The following IFT43 variants were observed in gnomAD, a reference collection of about 807,000 sequenced individuals.
IFT43 encodes intraflagellar transport 43, also known as intraflagellar transport protein 43 homolog.
Under a neutral mutation model 32.3 loss-of-function variants are expected in IFT43, and 33 were observed. The ratio of observed to expected loss-of-function variants is 1.02; its 90% CI spans 0.77 to 1.37. IFT43 has a LOEUF of 1.37. Among genes scored for constraint, IFT43 ranks in the 40% most tolerant of loss-of-function variants. The pLI is 0.00. For missense variants in IFT43, 274 were observed against 265.9 expected (o/e 1.03, Z -0.21); for synonymous variants, 93 against 98.2 (o/e 0.95, Z 0.31).
intron 2 of IFT43, among the ~76,000 whole-genome samples, chr14:76,001,417 C>T (rs2139898765): frequency 6.6e-6 from 1 of 152,340 alleles, no homozygotes; most frequent in South Asian, 2.1e-4. Context: ...CTAGCTTCCC[C>T]TCGCTATCTA....
intron 3 of IFT43, among the ~76,000 whole-genome samples, chr14:76,024,383 A>G (rs1246728940): frequency 6.6e-6 from 1 of 152,234 alleles, no homozygotes; most frequent in Admixed American, 6.5e-5. Context: ...TTTTACTTAC[A>G]GGAAGCAACA....
chr14:75,999,328 G>A (rs2035840076), intron 2 of IFT43, among the ~76,000 whole-genome samples: 1 of 126,820 alleles, frequency 7.9e-6, no homozygotes, highest in Non-Finnish European at 1.6e-5. Flanking sequence ...CAATCTCACT[G>A]TGTTGCCCAG....
chr14:76,040,704 G>T (rs1177737909), intron 3 of IFT43, among the ~76,000 whole-genome samples: 1 of 152,208 alleles, frequency 6.6e-6, no homozygotes, highest in Admixed American at 6.5e-5. Context: ...ATTCAAAGGG[G>T]ACAGCAGTGT....
At chr14:76,020,150 T>C (rs975481520) in intron 2 of IFT43, among the ~76,000 whole-genome samples, 1 of 152,106 alleles carries the variant, frequency 6.6e-6, no homozygotes, top group Non-Finnish European at 1.5e-5. Context: ...AATTTTTGTA[T>C]TTTTAGTATA....
intron 3 of IFT43, among the ~76,000 whole-genome samples, chr14:76,055,780 C>T (rs1355606881): frequency 6.6e-6 from 1 of 152,206 alleles, no homozygotes; most frequent in African/African-American, 2.4e-5. Context: ...GAAATATACT[C>T]TGCCAGTTTT....
At chr14:76,069,280 G>C (rs2037278672) in intron 5 of IFT43, among the ~76,000 whole-genome samples, 1 of 152,170 alleles carries the variant, frequency 6.6e-6, no homozygotes, top group South Asian at 2.1e-4. Flanking sequence ...CAAGGGAATG[G>C]AGACTTGATT....
rs1339022958 is a variant in IFT43, at chr14:76,022,375, G to A, written c.196G>A (p.Asp66Asn). ...CTGCCGACAGGGAGGCTGGGCAGGTGATTCCGTGAAGGCTTCGAAGTGAGT... is the reference window on the plus strand; with the variant it reads ...CTGCCGACAGGGAGGCTGGGCAGGTAATTCCGTGAAGGCTTCGAAGTGAGT... ...PRCRQGGWAG[D>N]SVKASKFRRK... is the part of the protein sequence containing the mutation. Residue 66 changes from aspartate (D) to asparagine (N), a missense_variant, in exon 3 of 9, where the codon GAT (aspartate) becomes AAT (asparagine). Coordinates refer to ENST00000314067, the MANE Select transcript of IFT43 (RefSeq NM_001102564.3). The A allele has an allele frequency of 6.2e-7, 1 of 1,611,916 alleles. No individual in the cohort carries two copies. The highest frequency in any genetic ancestry group is 2.2e-5 in the East Asian group (1 of 44,856).
intron 5 of IFT43, among the ~76,000 whole-genome samples, chr14:76,066,918 T>TC (rs1390826545): frequency 6.6e-6 from 1 of 152,166 alleles, no homozygotes; most frequent in African/African-American, 2.4e-5. Context: ...GATTAGACTT[T>TC]ATTGAGGAAA....
At position 76,083,600 on chromosome 14, in the gene IFT43, A is replaced by G. The variant is rs749406318; in HGVS notation, c.*23A>G. 3.1e-6 allele frequency: 5 copies of G among 1,612,712 alleles called. No individual in the cohort carries two copies. Among genetic ancestry groups the G allele is most frequent in the Middle Eastern group, 3.3e-4 (2 of 5,988 alleles). On this transcript the variant is annotated 3_prime_UTR_variant, in exon 9 of 9. Transcript: ENST00000314067. ...TGAGCCCGTCACCCATGCTCTAGAC[A>G]TGAAGAAATGCAATGAGCTTAAAGC...
chr14:76,082,646 G>A lies in IFT43; in HGVS notation c.398G>A (p.Arg133His), dbSNP rs755396441. 1.4e-5 allele frequency: 23 copies of A among 1,614,056 alleles called. No homozygotes were observed. Among genetic ancestry groups the A allele is most frequent in the Admixed American group, 3.3e-5 (2 of 60,010 alleles). The change falls in exon 7 of 9, where the codon CGT (arginine) becomes CAT (histidine). Residue 133 changes from arginine to histidine, a missense_variant. Transcript: ENST00000314067. ...CAGATAAAGCGGGTGATGACCTACC[G>A]TGACCTGGACAATGACCTCATGAAG... ...SIQIKRVMTYRDLDNDLMKYS... is the reference protein window; with the variant it reads ...SIQIKRVMTYHDLDNDLMKYS...
intron 5 of IFT43, 51 bp from the exon 6 acceptor site, chr14:76,082,244 C>G: frequency 6.5e-7 from 1 of 1,544,522 alleles, no homozygotes; most frequent in Non-Finnish European, 9.0e-7. Flanking sequence ...GAGAAGCAGG[C>G]ACAATCCCTA....
intron 2 of IFT43, among the ~76,000 whole-genome samples, chr14:75,991,738 A>G (rs7142059): frequency 0.018 from 2,724 of 152,184 alleles, 81 homozygotes; most frequent in African/African-American, 0.062. Flanking sequence ...AACTCTGTGC[A>G]TTACCATTTT....
At chr14:75,995,597 C>G (rs1022885039) in intron 2 of IFT43, among the ~76,000 whole-genome samples, 1 of 152,152 alleles carries the variant, frequency 6.6e-6, no homozygotes, top group South Asian at 2.1e-4. Flanking sequence ...CTTTGCATTA[C>G]GTCTCTCGCC....
At chr14:76,083,382 G>T in intron 8 of IFT43, 76 bp from the exon 9 acceptor site, 1 of 1,613,596 alleles carries the variant, frequency 6.2e-7, no homozygotes, top group Non-Finnish European at 8.5e-7. Flanking sequence ...CTGAGGCCTG[G>T]ATGGGAGGGA....
chr14:76,001,053 C>T (rs2035875541), intron 2 of IFT43, among the ~76,000 whole-genome samples: 1 of 152,134 alleles, frequency 6.6e-6, no homozygotes. Context: ...ATAGCATGAA[C>T]TCCCGATTCC....
At chr14:76,060,415 C>T (rs958063006) in intron 5 of IFT43, among the ~76,000 whole-genome samples, 5 of 152,034 alleles carry the variant, frequency 3.3e-5, no homozygotes, top group African/African-American at 4.8e-5. Context: ...GATGGGGTTT[C>T]ACCATGTTGG....
At chr14:76,023,149 G>C (rs1165504288) in intron 3 of IFT43, among the ~76,000 whole-genome samples, 1 of 152,234 alleles carries the variant, frequency 6.6e-6, no homozygotes, top group Admixed American at 6.5e-5. Context: ...CATTCTCTCT[G>C]AGCTGGATGA....
At chr14:76,001,355 T>C (rs2035881697) in intron 2 of IFT43, among the ~76,000 whole-genome samples, 1 of 152,214 alleles carries the variant, frequency 6.6e-6, no homozygotes, top group African/African-American at 2.4e-5. Context: ...TCAGAGACCT[T>C]GTTAGGCAAT....
At chr14:76,049,314 C>A (rs1452310545) in intron 3 of IFT43, among the ~76,000 whole-genome samples, 1 of 152,206 alleles carries the variant, frequency 6.6e-6, no homozygotes, top group African/African-American at 2.4e-5. Context: ...ATGGAAAAGT[C>A]TCCATTTACA....
Sources: allele counts gnomAD v4.1 joint callset (sites outside exome capture counted in the v4.1 genomes callset), GRCh38; gene constraint gnomAD v4.1.1; transcripts MANE v1.5; gene names NCBI Gene and HGNC (gene_info 2026-07-23, HGNC 2026-07-21).